The following SIPA1L1 variants were observed in gnomAD, a reference collection of about 807,000 sequenced individuals.
SIPA1L1 encodes the protein signal-induced proliferation-associated 1-like protein 1.
In SIPA1L1, 26 loss-of-function variants were observed where a neutral mutation model predicts 162.7. That is an observed-to-expected ratio of 0.16 (90% CI 0.12 to 0.22). SIPA1L1 has a LOEUF of 0.22. Ranked by LOEUF, SIPA1L1 falls within the 10% of genes least tolerant of loss-of-function variation. The probability of loss-of-function intolerance (pLI) is 1.00; values close to 1 mark genes in which losing one functional copy is unlikely to be tolerated. For synonymous variants in SIPA1L1, 829 were observed against 837.4 expected, an observed-to-expected ratio of 0.99 and a Z score of 0.17; for missense variants, 1,874 against 2,241.0, an observed-to-expected ratio of 0.84 and a Z score of 3.31.
intron 5 of SIPA1L1, 48 bp downstream of exon 5, chr14:71,589,418 T>G (rs2034981754): frequency 5.1e-6 from 6 of 1,165,564 alleles, no homozygotes; most frequent in Non-Finnish European, 7.5e-6. Flanking sequence ...CAGTACTTTC[T>G]GAAGAAAAGT....
rs925005566 is a variant in SIPA1L1, at chr14:71,587,905, G to A, written c.33G>A (p.Arg11=). ...GCTTGAAACGGTCACAGACAGAAAG[G>A]CCTCTTGCCACTGACAGGGCCTCTG... MTSLKRSQTE[R]PLATDRASVV... The change falls in exon 5 of 24, where the codon AGG becomes AGA. Residue 11 remains arginine, a synonymous_variant. Transcript: ENST00000381232. 2.5e-6 allele frequency: 4 copies of A among 1,611,632 alleles called. No homozygotes were observed. The highest frequency in any genetic ancestry group is 1.1e-5 in the South Asian group (1 of 91,062).
chr14:71,525,066 C>T (rs781284590), intron 3 of SIPA1L1, among the ~76,000 whole-genome samples: 3 of 152,088 alleles, frequency 2.0e-5, no homozygotes, highest in Admixed American at 6.5e-5. Context: ...CTCAACCTCC[C>T]GGGCTCAAGT....
intron 2 of SIPA1L1, among the ~76,000 whole-genome samples, chr14:71,446,894 G>GTTTTTTGTT (rs2045396968): frequency 1.1e-5 from 1 of 87,406 alleles, no homozygotes; most frequent in Non-Finnish European, 2.1e-5. Context: ...GATGGGCTCT[G>GTTTTTTGTT]TTTTTTTTTT....
At chr14:71,426,930 G>A (rs2043613605) in intron 2 of SIPA1L1, among the ~76,000 whole-genome samples, 1 of 152,142 alleles carries the variant, frequency 6.6e-6, no homozygotes, top group African/African-American at 2.4e-5. Context: ...ACTAATAAGA[G>A]ATTAGTGCAT....
At position 71,446,425 on chromosome 14, in the gene SIPA1L1, GATA is replaced by G. The variant is rs2045346745; in HGVS notation, c.-464-66317_-464-66315del. On this transcript the variant is annotated intron_variant, in intron 2 of 23. Transcript: ENST00000381232. ...TTATTTAAATAATTTTTAGAGGCTG[GATA>G]TGGTGGCTCACACCTGTAATCCCAG... Among the ~76,000 whole-genome samples, 3 of 152,110 alleles carry G rather than the reference GATA, an allele frequency of 2.0e-5. No individual in the cohort carries two copies. In the South Asian group the frequency reaches 6.2e-4, roughly 32 times the overall value.
At chr14:71,544,698 A>G (rs911348301) in intron 4 of SIPA1L1, among the ~76,000 whole-genome samples, 11 of 152,012 alleles carry the variant, frequency 7.2e-5, no homozygotes, top group African/African-American at 2.7e-4. Flanking sequence ...ATCTAGTACC[A>G]TTTGTTGATA....
intron 5 of SIPA1L1, among the ~76,000 whole-genome samples, chr14:71,610,116 G>A (rs1159371281): frequency 1.3e-5 from 2 of 151,958 alleles, no homozygotes; most frequent in Admixed American, 6.5e-5. Flanking sequence ...CAACTTTAAT[G>A]TAATATTAAA....
rs569551303 is a variant in SIPA1L1 at position 71,381,769 on chromosome 14, G to T, written c.-465+60588G>T. ...TTTCTGTATTTCTGATAGACTGTGTGTGCTGGTCAGGTTGTTAATTCTTGG... is the reference window on the plus strand; with the variant it reads ...TTTCTGTATTTCTGATAGACTGTGTTTGCTGGTCAGGTTGTTAATTCTTGG... On this transcript the variant is annotated intron_variant, in intron 2 of 23. Coordinates refer to ENST00000381232, the MANE Select transcript of SIPA1L1 (RefSeq NM_001386936.1). Among the ~76,000 whole-genome samples the T allele has an allele frequency of 2.0e-5, 3 of 152,282 alleles. No individual in the cohort carries two copies. The East Asian group carries it at 5.8e-4, about 29-fold the overall frequency.
chr14:71,418,357 A>G (rs183600712), intron 2 of SIPA1L1, among the ~76,000 whole-genome samples: 9 of 152,302 alleles, frequency 5.9e-5, no homozygotes, highest in East Asian at 5.8e-4. Context: ...ACTGTCTCAT[A>G]TATTTAAAAT....
intron 7 of SIPA1L1, among the ~76,000 whole-genome samples, chr14:71,627,425 A>C (rs997135004): frequency 7.2e-5 from 11 of 151,880 alleles, no homozygotes; most frequent in Admixed American, 7.2e-4. Flanking sequence ...GGAATTACAG[A>C]TGTGAGCCAC....
chr14:71,543,877 ATATATACATATATCATACGTATATG>A (rs1567178787), intron 4 of SIPA1L1, among the ~76,000 whole-genome samples: 15,709 of 141,500 alleles, frequency 0.11, 1,201 homozygotes, highest in East Asian at 0.22. Context: ...ACGTATGTGT[ATATATACATATATCATACGTATATG>A]TGTGTATATA....
intron 2 of SIPA1L1, among the ~76,000 whole-genome samples, chr14:71,364,714 C>T (rs2038117674): frequency 6.6e-6 from 1 of 151,988 alleles, no homozygotes; most frequent in South Asian, 2.1e-4. Flanking sequence ...CTCTGGCCTA[C>T]AGCACATCAT....
At chr14:71,566,000 A>G (rs1330207078) in intron 4 of SIPA1L1, among the ~76,000 whole-genome samples, 1 of 152,118 alleles carries the variant, frequency 6.6e-6, no homozygotes, top group East Asian at 1.9e-4. Flanking sequence ...TCAATAAGAC[A>G]ACAAAAGAAA....
Position 71,533,927 on chromosome 14 carries a change from A to G in SIPA1L1, c.-303+4557A>G, listed in dbSNP as rs186221927. On this transcript the variant is annotated intron_variant, in intron 4 of 23. Transcript: ENST00000381232. ...AAACCTTCATTTAGGCTGTGTTTAC[A>G]AAGAGTGCCAGTTTGGCTGAGTGCT... Among the ~76,000 whole-genome samples the G allele has an allele frequency of 1.7e-3, 207 of 120,696 alleles. 1 individual carries two copies. Among genetic ancestry groups the G allele is most frequent in the African/African-American group, 4.9e-3 (189 of 38,722 alleles). 79.2% of individuals were successfully genotyped at this position (120,696 alleles called of 152,430 possible).
chr14:71,626,279 A>G (rs774851909), intron 7 of SIPA1L1, among the ~76,000 whole-genome samples: 2 of 152,208 alleles, frequency 1.3e-5, no homozygotes, highest in Non-Finnish European at 2.9e-5. Flanking sequence ...GAGTATTACT[A>G]TTAGACAGTA....
intron 10 of SIPA1L1, among the ~76,000 whole-genome samples, chr14:71,665,267 A>G (rs893614255): frequency 1.1e-4 from 17 of 152,208 alleles, no homozygotes; most frequent in African/African-American, 3.4e-4. Context: ...AAAAATCCCT[A>G]TAGTGGATCT....
chr14:71,689,248 CAGTA>C lies in SIPA1L1; in HGVS notation c.3374+3620_3374+3623del, dbSNP rs2081084137. On this transcript the variant is annotated intron_variant, in intron 13 of 23. Transcript: ENST00000381232. The stretch of plus-strand genomic sequence containing the variant: ...TATACATAGTTAAGAGAAACTGACA[CAGTA>C]AGAATTGATAATCCATTTGGCATCT... Among the ~76,000 whole-genome samples the C allele has an allele frequency of 2.0e-5, 3 of 152,206 alleles. No homozygotes were observed. The South Asian group carries it at 6.2e-4, about 32-fold the overall frequency.
intron 13 of SIPA1L1, among the ~76,000 whole-genome samples, chr14:71,695,468 G>T (rs561904546): frequency 6.6e-6 from 1 of 152,272 alleles, no homozygotes; most frequent in South Asian, 2.1e-4. Context: ...ACTAGCCTGC[G>T]ATATCTTAGC....
intron 4 of SIPA1L1, among the ~76,000 whole-genome samples, chr14:71,540,186 A>G (rs1021918845): frequency 1.3e-5 from 2 of 152,202 alleles, no homozygotes; most frequent in African/African-American, 4.8e-5. Flanking sequence ...GTTTCAGAAC[A>G]CTAATCACTT....
Sources: gnomAD v4.1 joint callset for allele counts (sites outside exome capture counted in the v4.1 genomes callset) on GRCh38, gnomAD v4.1.1 for gene constraint, MANE v1.5 for transcripts, NCBI Gene and HGNC (gene_info 2026-07-23, HGNC 2026-07-21) for gene names.